FOXN3: variants seen among roughly 807,000 people sequenced by gnomAD.
The protein encoded by FOXN3 is forkhead box N3.
FOXN3 carries 7 observed loss-of-function variants against 38.4 expected under a neutral mutation model. The observed-to-expected ratio is 0.18, with a 90% CI of 0.10 to 0.34. The LOEUF (loss-of-function observed/expected upper bound fraction) is 0.34, where lower values mean the gene tolerates loss of function less well. Ranked by LOEUF, FOXN3 falls within the 10% of genes least tolerant of loss-of-function variation. The pLI is 1.00. For synonymous variants in FOXN3, 230 were observed against 242.2 expected (o/e 0.95, Z 0.47); for missense variants, 456 against 613.4 (o/e 0.74, Z 2.71).
intron 1 of FOXN3, among the ~76,000 whole-genome samples, chr14:89,516,085 T>C (rs1273407326): frequency 1.3e-5 from 2 of 152,196 alleles, no homozygotes; most frequent in Non-Finnish European, 2.9e-5. Context: ...AATAATAGTT[T>C]GTTTCATCCG....
At chr14:89,367,695 C>T (rs1309078022) in intron 2 of FOXN3, among the ~76,000 whole-genome samples, 4 of 152,036 alleles carry the variant, frequency 2.6e-5, no homozygotes, top group African/African-American at 4.8e-5. Context: ...AAAAATTAAA[C>T]AAACAGAATC....
At position 89,163,502 on chromosome 14, in the gene FOXN3, A is replaced by G. The variant is rs1204736167; in HGVS notation, c.852-533T>C. On this transcript the variant is annotated intron_variant, in intron 5 of 5. Coordinates refer to ENST00000557258, the MANE Select transcript of FOXN3 (RefSeq NM_005197.4). This position sits in a 1 kb window ranked among gnomAD's most constrained non-coding sequence, Gnocchi z 4.3. ...CCCTCCCTCGTTCATGCAATCTACA[A>G]ATACTCACTGAGCGCCTAACAGAAA... is the stretch of plus-strand genomic sequence containing the variant. Among the ~76,000 whole-genome samples, 1 of 152,088 alleles carries G rather than the reference A, an allele frequency of 6.6e-6. No homozygotes were observed. Among genetic ancestry groups the G allele is most frequent in the Non-Finnish European group, 1.5e-5 (1 of 68,004 alleles).
intron 4 of FOXN3, chr14:89,230,801 T>C (rs1476487485): frequency 4.5e-6 from 2 of 446,702 alleles, no homozygotes; most frequent in Admixed American, 4.8e-5. Flanking sequence ...ACATCTGCTT[T>C]AAATTCTGTA....
chr14:89,435,558 G>A (rs1483862700), intron 1 of FOXN3, among the ~76,000 whole-genome samples: 2 of 152,000 alleles, frequency 1.3e-5, no homozygotes, highest in East Asian at 3.9e-4. Context: ...CAAAGCATTC[G>A]TTCCCTCACA....
At chr14:89,496,242 A>G (rs1391958849) in intron 1 of FOXN3, among the ~76,000 whole-genome samples, 1 of 152,080 alleles carries the variant, frequency 6.6e-6, no homozygotes, top group Non-Finnish European at 1.5e-5. Flanking sequence ...TAGAGTTAAC[A>G]ATAGTTATAA....
At chr14:89,465,200 CA>C (rs1892949507) in intron 1 of FOXN3, among the ~76,000 whole-genome samples, 3 of 147,586 alleles carry the variant, frequency 2.0e-5, no homozygotes, top group Non-Finnish European at 4.5e-5. Flanking sequence ...CTTTATAAAT[CA>C]CCCAGTCTCT....
intron 1 of FOXN3, among the ~76,000 whole-genome samples, chr14:89,552,130 G>A (rs1895016550): frequency 1.3e-5 from 2 of 152,178 alleles, no homozygotes; most frequent in Non-Finnish European, 1.5e-5. Context: ...AAAGAAAAGC[G>A]CACGGTTGCT....
intron 1 of FOXN3, among the ~76,000 whole-genome samples, chr14:89,453,985 G>A (rs1163045161): frequency 2.7e-5 from 4 of 148,006 alleles, no homozygotes; most frequent in Non-Finnish European, 4.5e-5. Flanking sequence ...GGGTCCCCAA[G>A]ATGAAATTAA....
chr14:89,359,225 G>C (rs1239038678), intron 2 of FOXN3, among the ~76,000 whole-genome samples: 1 of 151,928 alleles, frequency 6.6e-6, no homozygotes, highest in East Asian at 1.9e-4. Context: ...GAACCCAGGA[G>C]GTGGAGGTTG....
intron 3 of FOXN3, chr14:89,349,659 T>C (rs1335884384): frequency 6.6e-6 from 1 of 152,634 alleles, no homozygotes; most frequent in Non-Finnish European, 1.5e-5. Flanking sequence ...TCCCTGTCTC[T>C]TGCTGAAGAC....
At chr14:89,582,487 C>CTT (rs57273137) in intron 1 of FOXN3, among the ~76,000 whole-genome samples, 7 of 86,744 alleles carry the variant, frequency 8.1e-5, no homozygotes, top group Admixed American at 4.0e-4. Context: ...TTAAACTCAC[C>CTT]TTTTTTTTTT....
intron 1 of FOXN3, among the ~76,000 whole-genome samples, chr14:89,544,161 C>T (rs534294293): frequency 8.6e-5 from 13 of 151,950 alleles, no homozygotes; most frequent in African/African-American, 3.1e-4. Context: ...CCTGCCTCAG[C>T]ATCCCAAGTA....
chr14:89,346,667 A>G (rs1329007596), intron 3 of FOXN3, among the ~76,000 whole-genome samples: 1 of 152,020 alleles, frequency 6.6e-6, no homozygotes, highest in African/African-American at 2.4e-5. Flanking sequence ...AGGTTTGTCC[A>G]CTCCAAACTC....
At chr14:89,603,706 A>G (rs564715498) in intron 1 of FOXN3, among the ~76,000 whole-genome samples, 1 of 152,350 alleles carries the variant, frequency 6.6e-6, no homozygotes, top group Admixed American at 6.5e-5. Flanking sequence ...ATTGTTTGAA[A>G]CATATTCATG....
chr14:89,599,770 C>T (rs1331419863), intron 1 of FOXN3, among the ~76,000 whole-genome samples: 1 of 152,026 alleles, frequency 6.6e-6, no homozygotes, highest in Non-Finnish European at 1.5e-5. Flanking sequence ...GCTTCACTAC[C>T]TATGTTTTAT....
intron 4 of FOXN3, among the ~76,000 whole-genome samples, chr14:89,209,939 C>T (rs1483728590): frequency 1.3e-5 from 2 of 152,194 alleles, no homozygotes; most frequent in Admixed American, 6.5e-5. Flanking sequence ...AGAAACTTTT[C>T]GGTGGGAAAT....
intron 2 of FOXN3, among the ~76,000 whole-genome samples, chr14:89,388,244 G>A (rs757928752): frequency 7.2e-5 from 11 of 152,320 alleles, no homozygotes; most frequent in Non-Finnish European, 1.3e-4. Flanking sequence ...AGTCAGGGAG[G>A]AGATGAGAAC....
intron 1 of FOXN3, among the ~76,000 whole-genome samples, chr14:89,559,517 AAT>A (rs33950073): frequency 0.079 from 12,072 of 151,908 alleles, 1,311 homozygotes; most frequent in African/African-American, 0.25. Flanking sequence ...CTCTACTCAA[AAT>A]ACAAAAATTA....
At chr14:89,257,755 A>G (rs1189768614) in intron 4 of FOXN3, among the ~76,000 whole-genome samples, 1 of 152,136 alleles carries the variant, frequency 6.6e-6, no homozygotes, top group African/African-American at 2.4e-5. Flanking sequence ...ATCTCCAAAA[A>G]ACAAAAAAAT....
Sources: gnomAD v4.1 joint callset for allele counts (sites outside exome capture counted in the v4.1 genomes callset) on GRCh38, gnomAD v4.1.1 for gene constraint, Gnocchi (gnomAD v3.1) non-coding constraint, MANE v1.5 for transcripts, NCBI Gene and HGNC (gene_info 2026-07-23, HGNC 2026-07-21) for gene names.